MGAT5: variants seen among roughly 807,000 people sequenced by gnomAD.
The protein encoded by MGAT5 is alpha-1,6-mannosylglycoprotein 6-beta-N-acetylglucosaminyltransferase.
A neutral mutation model predicts 94.3 loss-of-function variants in MGAT5; 30 were observed. That is an observed-to-expected ratio of 0.32 (90% confidence interval 0.24 to 0.43). MGAT5 has a LOEUF of 0.43. MGAT5 is among the 20% of genes least tolerant of loss of function. The probability of loss-of-function intolerance (pLI) is 1.00; values close to 1 mark genes in which losing one functional copy is unlikely to be tolerated. For missense variants in MGAT5, 691 were observed against 905.5 expected (o/e 0.76, Z 3.04); for synonymous variants, 310 against 322.9 (o/e 0.96, Z 0.43).
chr2:134,377,573 G>A lies in MGAT5; in HGVS notation c.1380+15165G>A, dbSNP rs189354524. ...ACAAGGTAGAAAGGAAGAAAAATAAGTTTTATGACCACGGCTCCTTTACCT... is the reference window on the plus strand; with the variant it reads ...ACAAGGTAGAAAGGAAGAAAAATAAATTTTATGACCACGGCTCCTTTACCT... On this transcript the variant is annotated intron_variant, in intron 10 of 15. Transcript: ENST00000281923. 8.5e-5 allele frequency among the ~76,000 whole-genome samples: 13 copies of A among 152,328 alleles called. No homozygotes were observed. The East Asian group carries it at 2.5e-3, about 29-fold the overall frequency.
intron 1 of MGAT5, among the ~76,000 whole-genome samples, chr2:134,237,148 T>TGTGCGCGC (rs374914892): frequency 0.011 from 1,556 of 140,814 alleles, 18 homozygotes; most frequent in African/African-American, 0.033. Context: ...TGTGTGTGTG[T>TGTGCGCGC]GCGCGTGTGT....
intron 4 of MGAT5, among the ~76,000 whole-genome samples, chr2:134,331,136 C>CACCT (rs1196667332): frequency 1.6e-4 from 25 of 152,078 alleles, no homozygotes; most frequent in African/African-American, 6.0e-4. Flanking sequence ...TCTAGGGACT[C>CACCT]AGAGAATGCT....
At chr2:134,256,064 T>C (rs930593151) in intron 1 of MGAT5, among the ~76,000 whole-genome samples, 1 of 152,238 alleles carries the variant, frequency 6.6e-6, no homozygotes, top group African/African-American at 2.4e-5. Context: ...ATAATCACAC[T>C]CTGCATTTAA....
intron 1 of MGAT5, among the ~76,000 whole-genome samples, chr2:134,241,744 T>C (rs764042115): frequency 2.0e-5 from 3 of 152,148 alleles, no homozygotes; most frequent in Non-Finnish European, 4.4e-5. Flanking sequence ...GAAAAGTTCC[T>C]AAGGGGTGGG....
At position 134,344,094 on chromosome 2, in the gene MGAT5, G is replaced by C. The variant is rs188487311; in HGVS notation, c.978-836G>C. Among the ~76,000 whole-genome samples, 4 of 152,234 alleles carry C rather than the reference G, an allele frequency of 2.6e-5. 1 individual carries two copies. Among genetic ancestry groups the C allele is most frequent in the African/African-American group, 9.6e-5 (4 of 41,556 alleles). On this transcript the variant is annotated intron_variant, in intron 7 of 15. Transcript: ENST00000281923. ...GCAGGATATCCATAATTTGGTGAAGGATTATCATGGGGTGTTGCAGATAAG... is the reference window on the plus strand; with the variant it reads ...GCAGGATATCCATAATTTGGTGAAGCATTATCATGGGGTGTTGCAGATAAG...
intron 10 of MGAT5, among the ~76,000 whole-genome samples, chr2:134,371,162 A>G (rs1225953341): frequency 6.6e-6 from 1 of 152,196 alleles, no homozygotes. Context: ...GGCAAAGGAG[A>G]TGCCCGGATT....
upstream of MGAT5, among the ~76,000 whole-genome samples, chr2:134,250,966 C>T (rs1682554104): frequency 6.6e-6 from 1 of 152,108 alleles, no homozygotes; most frequent in African/African-American, 2.4e-5. Context: ...TTGATCTTTC[C>T]TTTGTTTTAA....
chr2:134,320,290 A>T (rs935477), intron 4 of MGAT5, among the ~76,000 whole-genome samples: 147,688 of 152,216 alleles, frequency 0.97, 71,718 homozygotes, highest in East Asian at 1. Flanking sequence ...TAACTAAAAG[A>T]TAGTTACATT....
At chr2:134,414,153 GT>G (rs779593442) in intron 12 of MGAT5, among the ~76,000 whole-genome samples, 6 of 139,896 alleles carry the variant, frequency 4.3e-5, no homozygotes, top group Non-Finnish European at 6.0e-5. Flanking sequence ...TTGTGTGTGT[GT>G]GTGTGGTTTT....
At chr2:134,383,176 G>C (rs1360768443) in intron 10 of MGAT5, among the ~76,000 whole-genome samples, 1 of 152,128 alleles carries the variant, frequency 6.6e-6, no homozygotes, top group African/African-American at 2.4e-5. Flanking sequence ...ATAGTTTTAT[G>C]GTAAAATGTT....
chr2:134,404,652 A>G (rs1267066650), intron 11 of MGAT5, among the ~76,000 whole-genome samples: 1 of 152,220 alleles, frequency 6.6e-6, no homozygotes, highest in Non-Finnish European at 1.5e-5. Flanking sequence ...CAGTTTCTCC[A>G]TCTGTAAATG....
At chr2:134,406,731 C>CAA (rs60622551) in intron 11 of MGAT5, among the ~76,000 whole-genome samples, 43 of 134,320 alleles carry the variant, frequency 3.2e-4, no homozygotes, top group African/African-American at 9.8e-4. Context: ...CAAAAAATAC[C>CAA]AAAAAAAAAA....
chr2:134,303,117 T>C (rs545503050), intron 2 of MGAT5, among the ~76,000 whole-genome samples: 46 of 152,206 alleles, frequency 3.0e-4, no homozygotes, highest in Non-Finnish European at 5.1e-4. Context: ...TTATTTGTCT[T>C]AGTCTTGAAT....
At chr2:134,219,106 C>T (rs770840744) in intron 1 of MGAT5, among the ~76,000 whole-genome samples, 12 of 152,018 alleles carry the variant, frequency 7.9e-5, no homozygotes, top group East Asian at 1.9e-4. Flanking sequence ...GGTGTGAGTG[C>T]GGTGGAGTGG....
chr2:134,235,728 GTT>G (rs10699301), intron 1 of MGAT5, among the ~76,000 whole-genome samples: 1 of 146,790 alleles, frequency 6.8e-6, no homozygotes, highest in Non-Finnish European at 1.5e-5. Context: ...AATAATAGGG[GTT>G]TTTTTTTTTT....
At chr2:134,229,974 G>A (rs1397800873) in intron 1 of MGAT5, among the ~76,000 whole-genome samples, 8 of 152,168 alleles carry the variant, frequency 5.3e-5, no homozygotes. Flanking sequence ...CAATGAAATA[G>A]CACTTTACAT....
intron 8 of MGAT5, among the ~76,000 whole-genome samples, chr2:134,347,447 T>G (rs1688986894): frequency 6.6e-6 from 1 of 152,176 alleles, no homozygotes; most frequent in Non-Finnish European, 1.5e-5. Context: ...AGGATTTGTT[T>G]TAATTGCCCA....
At chr2:134,328,021 T>C (rs550151936) in intron 4 of MGAT5, among the ~76,000 whole-genome samples, 1 of 152,156 alleles carries the variant, frequency 6.6e-6, no homozygotes, top group Non-Finnish European at 1.5e-5. Flanking sequence ...AGAGTTGCTA[T>C]AGAAAGTATC....
chr2:134,245,963 G>C (rs1218023651), intron 1 of MGAT5, among the ~76,000 whole-genome samples: 1 of 152,088 alleles, frequency 6.6e-6, no homozygotes, highest in African/African-American at 2.4e-5. Flanking sequence ...AAAACTCTGG[G>C]TACAGGACTG....
Sources: gnomAD v4.1 joint callset for allele counts (sites outside exome capture counted in the v4.1 genomes callset) on GRCh38, gnomAD v4.1.1 for gene constraint, MANE v1.5 for transcripts, NCBI Gene and HGNC (gene_info 2026-07-23, HGNC 2026-07-21) for gene names.